Variants in PPTC7 observed in about 807,000 individuals in gnomAD.
PPTC7 encodes protein phosphatase PTC7 homolog.
A neutral mutation model predicts 30.8 loss-of-function variants in PPTC7; 6 were observed. The observed-to-expected ratio is 0.19, with a 90% CI of 0.11 to 0.38. PPTC7 has a LOEUF of 0.38. Ranked by LOEUF, PPTC7 falls within the 10% of genes least tolerant of loss-of-function variation. PPTC7 has a pLI of 1.00. For missense variants in PPTC7, 218 were observed against 404.8 expected (o/e 0.54, Z 3.96); for synonymous variants, 163 against 168.1 (o/e 0.97, Z 0.23).
chr12:110,548,326 T>G (rs2064325374), intron 2 of PPTC7, among the ~76,000 whole-genome samples: 1 of 152,156 alleles, frequency 6.6e-6, no homozygotes, highest in African/African-American at 2.4e-5. Flanking sequence ...ACAAAGTAAT[T>G]TAAAAACACT....
chr12:110,549,292 A>G (rs1436177462), intron 2 of PPTC7, among the ~76,000 whole-genome samples: 1 of 152,200 alleles, frequency 6.6e-6, no homozygotes, highest in East Asian at 1.9e-4. Context: ...GCAGCTAGAA[A>G]GTCAAAGAAA....
At chr12:110,571,780 G>C (rs939907539) in intron 1 of PPTC7, among the ~76,000 whole-genome samples, 1 of 152,170 alleles carries the variant, frequency 6.6e-6, no homozygotes, top group East Asian at 1.9e-4. Flanking sequence ...TTGGTGAATT[G>C]TGTATTGTAA....
intron 1 of PPTC7, among the ~76,000 whole-genome samples, chr12:110,554,948 T>A (rs1192818439): frequency 1.3e-5 from 2 of 152,204 alleles, no homozygotes; most frequent in Non-Finnish European, 2.9e-5. Context: ...ATCATGAGCA[T>A]GTATCATATG....
At chr12:110,547,876 G>A (rs780504153) in intron 2 of PPTC7, among the ~76,000 whole-genome samples, 12 of 152,092 alleles carry the variant, frequency 7.9e-5, no homozygotes, top group Admixed American at 2.6e-4. Flanking sequence ...AGGCTGAGGC[G>A]GGTGGATCAC....
intron 1 of PPTC7, among the ~76,000 whole-genome samples, chr12:110,566,346 C>T (rs2064482886): frequency 6.6e-6 from 1 of 152,148 alleles, no homozygotes; most frequent in Admixed American, 6.5e-5. Context: ...CTAAAATGAT[C>T]TTTTCTAACT....
intron 2 of PPTC7, among the ~76,000 whole-genome samples, chr12:110,548,639 G>A (rs1283697658): frequency 6.6e-6 from 1 of 152,128 alleles, no homozygotes; most frequent in African/African-American, 2.4e-5. Flanking sequence ...TTCTGAGAAA[G>A]AAAAACAACC....
At chr12:110,565,280 G>A (rs945559152) in intron 1 of PPTC7, among the ~76,000 whole-genome samples, 6 of 150,668 alleles carry the variant, frequency 4.0e-5, no homozygotes, top group South Asian at 2.1e-4. Context: ...TTTTTCAGAC[G>A]GAGTCTCGCT....
At chr12:110,581,412 T>C (rs2064636174) in intron 1 of PPTC7, among the ~76,000 whole-genome samples, 1 of 150,554 alleles carries the variant, frequency 6.6e-6, no homozygotes, top group Non-Finnish European at 1.5e-5. Context: ...AGACTCCGTC[T>C]GAAAAAAAAA....
At chr12:110,569,076 T>C (rs1253483528) in intron 1 of PPTC7, among the ~76,000 whole-genome samples, 1 of 132,142 alleles carries the variant, frequency 7.6e-6, no homozygotes, top group African/African-American at 2.9e-5. Context: ...CTCACGCCTG[T>C]AATCCCAACA....
chr12:110,545,612 G>C (rs1299611507), intron 3 of PPTC7, among the ~76,000 whole-genome samples: 1 of 152,180 alleles, frequency 6.6e-6, no homozygotes, highest in African/African-American at 2.4e-5. Flanking sequence ...ATGTGGTGTT[G>C]ATATGAAAAA....
At chr12:110,582,772 C>A (rs1260573406) in intron 1 of PPTC7, 37 bp downstream of exon 1, 6 of 1,495,284 alleles carry the variant, frequency 4.0e-6, no homozygotes, top group Non-Finnish European at 5.4e-6. Flanking sequence ...GGAGGCGGAT[C>A]CGAGGCTGGG....
At chr12:110,560,824 C>T (rs1236376691) in intron 1 of PPTC7, among the ~76,000 whole-genome samples, 2 of 152,152 alleles carry the variant, frequency 1.3e-5, no homozygotes, top group African/African-American at 4.8e-5. Context: ...AGCTTTATTC[C>T]TTGCATCTTT....
At chr12:110,537,624 G>A (rs138754266) in intron 5 of PPTC7, among the ~76,000 whole-genome samples, 1 of 152,258 alleles carries the variant, frequency 6.6e-6, no homozygotes, top group East Asian at 1.9e-4. Context: ...TCCCAGCCCT[G>A]AGACGGAGCC....
intron 1 of PPTC7, among the ~76,000 whole-genome samples, chr12:110,556,601 T>C (rs1593154206): frequency 6.6e-6 from 1 of 152,178 alleles, no homozygotes; most frequent in African/African-American, 2.4e-5. Context: ...AAGAAAACTG[T>C]TAAAGGAGAA....
chr12:110,582,751 G>T, intron 1 of PPTC7, 58 bp downstream of exon 1: 1 of 1,399,048 alleles, frequency 7.1e-7, no homozygotes, highest in African/African-American at 1.5e-5. Context: ...GCCCCGCGCG[G>T]GGAGTCCCCG....
chr12:110,577,104 T>C lies in PPTC7; in HGVS notation c.223+5705A>G, dbSNP rs199664695. On this transcript the variant is annotated intron_variant, in intron 1 of 5. Coordinates refer to ENST00000354300, the MANE Select transcript of PPTC7 (RefSeq NM_139283.2). ...ACTGTTTGAACCCAGGAGGCAGAGGTTGCAGTGAGCCAAGATCGCGCCACT... is the reference window on the plus strand; with the variant it reads ...ACTGTTTGAACCCAGGAGGCAGAGGCTGCAGTGAGCCAAGATCGCGCCACT... Among the ~76,000 whole-genome samples, 4 of 148,398 alleles carry C rather than the reference T, an allele frequency of 2.7e-5. No individual in the cohort carries two copies. The East Asian group carries it at 5.9e-4, about 22-fold the overall frequency.
chr12:110,581,101 A>G (rs2064633364), intron 1 of PPTC7, among the ~76,000 whole-genome samples: 1 of 152,060 alleles, frequency 6.6e-6, no homozygotes, highest in South Asian at 2.1e-4. Flanking sequence ...CCCCTATCCT[A>G]TGTTATGAAC....
intron 1 of PPTC7, among the ~76,000 whole-genome samples, chr12:110,581,353 G>T (rs138340454): frequency 0.011 from 1,620 of 152,088 alleles, 35 homozygotes; most frequent in Middle Eastern, 0.041. Flanking sequence ...GGCGGAGGCT[G>T]CAGTGAGCCA....
intron 1 of PPTC7, among the ~76,000 whole-genome samples, chr12:110,582,103 T>C (rs532098509): frequency 3.2e-4 from 49 of 152,312 alleles, no homozygotes; most frequent in Admixed American, 2.0e-3. Context: ...GAAAAGGCTG[T>C]GACCAATCCT....
Sources: allele counts gnomAD v4.1 joint callset (sites outside exome capture counted in the v4.1 genomes callset), GRCh38; gene constraint gnomAD v4.1.1; transcripts MANE v1.5; gene names NCBI Gene and HGNC (gene_info 2026-07-23, HGNC 2026-07-21).